LRBA: variants seen among roughly 807,000 people sequenced by gnomAD.
LRBA encodes LPS responsive beige-like anchor protein.
LRBA carries 176 observed loss-of-function variants against 330.0 expected under a neutral mutation model. The ratio of observed to expected loss-of-function variants is 0.53; its 90% CI spans 0.47 to 0.60. The LOEUF is 0.60. Among genes scored for constraint, LRBA ranks in the 20% least tolerant of loss-of-function variants. The pLI, the probability that LRBA is intolerant of heterozygous loss-of-function variation, is 0.00. For missense variants in LRBA, 3,259 were observed against 3,444.8 expected (o/e 0.95, Z 1.35); for synonymous variants, 1,230 against 1,193.0 (o/e 1.03, Z -0.64).
intron 56 of LRBA, among the ~76,000 whole-genome samples, chr4:150,275,183 T>C (rs1371519407): frequency 1.3e-5 from 2 of 152,116 alleles, no homozygotes; most frequent in Admixed American, 6.5e-5. Flanking sequence ...AAAAACCACA[T>C]GATTATCTCA....
chr4:150,289,444 CA>C (rs1184743886), intron 53 of LRBA, among the ~76,000 whole-genome samples: 1 of 151,624 alleles, frequency 6.6e-6, no homozygotes, highest in Non-Finnish European at 1.5e-5. Context: ...TCAGGAAATA[CA>C]AAAGAGAGAG....
chr4:150,984,523 A>T (rs1274908250), intron 2 of LRBA, among the ~76,000 whole-genome samples: 1 of 152,134 alleles, frequency 6.6e-6, no homozygotes, highest in African/African-American at 2.4e-5. Flanking sequence ...AAAAAAAAGA[A>T]CTTTAGGATT....
At chr4:150,701,222 A>C (rs938387530) in intron 36 of LRBA, among the ~76,000 whole-genome samples, 1 of 152,132 alleles carries the variant, frequency 6.6e-6, no homozygotes, top group Non-Finnish European at 1.5e-5. Context: ...ACATGCATGG[A>C]GCTCTCATCT....
intron 46 of LRBA, among the ~76,000 whole-genome samples, chr4:150,416,138 A>G (rs979619042): frequency 1.3e-5 from 2 of 152,260 alleles, no homozygotes; most frequent in African/African-American, 4.8e-5. Context: ...AAAATTTAAA[A>G]TTAGTCTAGA....
intron 17 of LRBA, among the ~76,000 whole-genome samples, chr4:150,883,810 T>G (rs1728655913): frequency 2.6e-5 from 4 of 152,178 alleles, no homozygotes. Context: ...TTCTATATAC[T>G]AGTCCAAATT....
chr4:150,700,820 C>T (rs928274146), intron 36 of LRBA, among the ~76,000 whole-genome samples: 5 of 150,752 alleles, frequency 3.3e-5, no homozygotes, highest in Non-Finnish European at 5.9e-5. Context: ...TGCAGTGGCA[C>T]GATCACAGCT....
intron 35 of LRBA, among the ~76,000 whole-genome samples, chr4:150,742,327 T>G (rs1257307815): frequency 2.6e-5 from 4 of 151,870 alleles, no homozygotes; most frequent in Admixed American, 6.6e-5. Flanking sequence ...TTTGGTGGTG[T>G]TGTAGAGACA....
At chr4:150,813,732 T>C (rs1226667097) in intron 31 of LRBA, among the ~76,000 whole-genome samples, 1 of 152,094 alleles carries the variant, frequency 6.6e-6, no homozygotes. Flanking sequence ...CAAATGGGAA[T>C]TTCCTTGAAG....
At chr4:150,411,271 T>C (rs1411687820) in intron 47 of LRBA, among the ~76,000 whole-genome samples, 1 of 152,202 alleles carries the variant, frequency 6.6e-6, no homozygotes, top group African/African-American at 2.4e-5. Context: ...TAGATCTTCA[T>C]TACTTACAGA....
At chr4:150,648,567 T>C (rs1379993401) in intron 37 of LRBA, among the ~76,000 whole-genome samples, 3 of 148,906 alleles carry the variant, frequency 2.0e-5, no homozygotes, top group Non-Finnish European at 4.5e-5. Context: ...CCACCCCACA[T>C]TTCTAAATTA....
chr4:150,952,688 A>C (rs1033236345), intron 2 of LRBA, among the ~76,000 whole-genome samples: 5 of 151,430 alleles, frequency 3.3e-5, no homozygotes, highest in Non-Finnish European at 5.9e-5. Context: ...TTCTGTACCT[A>C]TCTCTCTCTG....
intron 37 of LRBA, among the ~76,000 whole-genome samples, chr4:150,681,899 A>G (rs1171716578): frequency 6.6e-6 from 1 of 152,144 alleles, no homozygotes; most frequent in Non-Finnish European, 1.5e-5. Flanking sequence ...TTCATGGTCC[A>G]TTTAGCTCTC....
At chr4:150,985,600 G>A (rs758780045) in intron 2 of LRBA, among the ~76,000 whole-genome samples, 2 of 151,440 alleles carry the variant, frequency 1.3e-5, no homozygotes, top group Non-Finnish European at 2.9e-5. Flanking sequence ...CCGGGTTCAC[G>A]CCGTTCTCCT....
At chr4:150,770,886 A>T (rs1190901598) in intron 34 of LRBA, among the ~76,000 whole-genome samples, 2 of 152,164 alleles carry the variant, frequency 1.3e-5, no homozygotes, top group African/African-American at 4.8e-5. Flanking sequence ...GGTAATACTA[A>T]GATATGCACT....
chr4:150,796,790 T>C (rs547669918), intron 34 of LRBA, among the ~76,000 whole-genome samples: 101 of 152,080 alleles, frequency 6.6e-4, no homozygotes, highest in African/African-American at 2.3e-3. Context: ...TATATTCTTG[T>C]AAGGAAACAT....
At position 150,779,895 on chromosome 4, in the gene LRBA, T is replaced by G. The variant is rs188451306; in HGVS notation, c.5581-18048A>C. Among the ~76,000 whole-genome samples, 11 of 152,318 alleles carry G rather than the reference T, an allele frequency of 7.2e-5. No individual in the cohort carries two copies. In the East Asian group the frequency reaches 1.9e-3, roughly 27 times the overall value. ...AAGAAAACAGATTACAAATGATTTA[T>G]ATGAATGCCTAGTGGTGAAGTTAAT... is the stretch of plus-strand genomic sequence containing the variant. On this transcript the variant is annotated intron_variant, in intron 34 of 56. Coordinates refer to ENST00000651943, the MANE Select transcript of LRBA (RefSeq NM_001364905.1).
intron 2 of LRBA, among the ~76,000 whole-genome samples, chr4:150,934,109 C>A (rs549841458): frequency 6.6e-6 from 1 of 152,002 alleles, no homozygotes; most frequent in East Asian, 1.9e-4. Context: ...GGTATTAATA[C>A]AAACGTTTGG....
intron 2 of LRBA, among the ~76,000 whole-genome samples, chr4:151,002,023 A>G (rs1326498517): frequency 2.6e-5 from 4 of 151,978 alleles, no homozygotes; most frequent in Admixed American, 6.6e-5. Context: ...CACAGAGACT[A>G]TACTACCACA....
intron 36 of LRBA, among the ~76,000 whole-genome samples, chr4:150,698,030 T>A (rs1022168620): frequency 6.6e-6 from 1 of 152,162 alleles, no homozygotes; most frequent in Non-Finnish European, 1.5e-5. Context: ...AACTCAAGTA[T>A]TTCCATTTTG....
Sources: allele counts gnomAD v4.1 joint callset (sites outside exome capture counted in the v4.1 genomes callset), GRCh38; gene constraint gnomAD v4.1.1; transcripts MANE v1.5; gene names NCBI Gene and HGNC (gene_info 2026-07-23, HGNC 2026-07-21).